VPS37A: variants seen among roughly 807,000 people sequenced by gnomAD.
The protein encoded by VPS37A is VPS37A subunit of ESCRT-I.
In VPS37A, 30 loss-of-function variants were observed where a neutral mutation model predicts 49.8. The ratio of observed to expected loss-of-function variants is 0.60; its 90% CI spans 0.45 to 0.82. The LOEUF (loss-of-function observed/expected upper bound fraction) is 0.82, where lower values mean the gene tolerates loss of function less well. Ranked by LOEUF, VPS37A falls within the 40% of genes least tolerant of loss-of-function variation. VPS37A has a pLI of 0.00. For missense variants in VPS37A, 593 were observed against 464.4 expected (o/e 1.28, Z -2.55); for synonymous variants, 195 against 160.6 (o/e 1.21, Z -1.62).
Position 17,247,300 on chromosome 8 carries a change from C to A in VPS37A, c.56C>A (p.Pro19His). 6.4e-7 allele frequency: 1 copy of A among 1,564,142 alleles called. No homozygotes were observed. The highest frequency in any genetic ancestry group is 8.7e-7 in the Non-Finnish European group (1 of 1,154,454). The change falls in exon 1 of 12, where the codon CCC becomes CAC. Residue 19 changes from proline (P) to histidine (H), a missense_variant. Coordinates refer to ENST00000324849, the MANE Select transcript of VPS37A (RefSeq NM_152415.3). ...GCCTCCTCCTCCGCGGCTGGGTCCC[C>A]CGGTGGCCTCACCAGCCTCCAGCAG... Reference protein sequence around the residue: ...KSASSSAAGSPGGLTSLQQQK... With the variant: ...KSASSSAAGSHGGLTSLQQQK...
chr8:17,292,880 C>A (rs1032996479), intron 11 of VPS37A, among the ~76,000 whole-genome samples: 1 of 152,168 alleles, frequency 6.6e-6, no homozygotes, highest in South Asian at 2.1e-4. Context: ...CTCTGGCTGC[C>A]CTTAACATTT....
intron 11 of VPS37A, among the ~76,000 whole-genome samples, chr8:17,290,207 T>C (rs1047145644): frequency 6.6e-6 from 1 of 152,210 alleles, no homozygotes; most frequent in African/African-American, 2.4e-5. Context: ...TCTTGCCTCA[T>C]TGCACTGGCC....
downstream of VPS37A, among the ~76,000 whole-genome samples, chr8:17,307,018 C>G (rs1190082980): frequency 1.3e-5 from 2 of 152,120 alleles, no homozygotes; most frequent in Non-Finnish European, 2.9e-5. Context: ...GCAATGGCAG[C>G]AAAAGACAAA....
intron 2 of VPS37A, among the ~76,000 whole-genome samples, chr8:17,267,603 A>G (rs981882781): frequency 2.0e-5 from 3 of 152,220 alleles, no homozygotes; most frequent in East Asian, 1.9e-4. Context: ...TGACAGCTAC[A>G]TTGTTTCAAT....
chr8:17,256,461 G>T (rs768818025), intron 1 of VPS37A, among the ~76,000 whole-genome samples: 1 of 151,368 alleles, frequency 6.6e-6, no homozygotes, highest in Non-Finnish European at 1.5e-5. Context: ...TGTTTGTTGA[G>T]ATCTTTTGCC....
At chr8:17,259,408 A>G (rs1350784466) in intron 1 of VPS37A, among the ~76,000 whole-genome samples, 1 of 151,920 alleles carries the variant, frequency 6.6e-6, no homozygotes. Flanking sequence ...ATTGTTTTCT[A>G]GTTTTATTGC....
the VPS37A span, among the ~76,000 whole-genome samples, chr8:17,328,517 G>C: frequency 6.6e-6 from 1 of 151,902 alleles, no homozygotes; most frequent in African/African-American, 2.4e-5. Context: ...GCTGAACAAT[G>C]AGAACACATG....
chr8:17,293,161 T>C (rs1376523994), intron 11 of VPS37A, among the ~76,000 whole-genome samples: 1 of 152,016 alleles, frequency 6.6e-6, no homozygotes, highest in African/African-American at 2.4e-5. Flanking sequence ...TTTTATTCTT[T>C]TTTCTCTAAT....
downstream of VPS37A, among the ~76,000 whole-genome samples, chr8:17,305,229 T>G (rs892074082): frequency 2.4e-4 from 37 of 152,238 alleles, no homozygotes; most frequent in Non-Finnish European, 7.3e-5. Context: ...ACCATTTCAT[T>G]TTATGAAAAT....
intron 11 of VPS37A, among the ~76,000 whole-genome samples, chr8:17,293,952 G>A (rs1816375864): frequency 6.6e-6 from 1 of 152,244 alleles, no homozygotes; most frequent in African/African-American, 2.4e-5. Flanking sequence ...TGAGGAGGCA[G>A]TCTGTCTCTT....
the VPS37A span, among the ~76,000 whole-genome samples, chr8:17,310,299 C>G: frequency 6.6e-6 from 1 of 152,100 alleles, no homozygotes; most frequent in African/African-American, 2.4e-5. Context: ...CCACACCCAG[C>G]CTGGATTTTA....
chr8:17,285,047 GAA>G (rs796755144), intron 10 of VPS37A, among the ~76,000 whole-genome samples: 5,000 of 149,570 alleles, frequency 0.033, 296 homozygotes, highest in African/African-American at 0.11. Context: ...TGCTGATCTG[GAA>G]AAAAAAAAAT....
At chr8:17,283,814 C>G (rs1354111532) in intron 9 of VPS37A, among the ~76,000 whole-genome samples, 1 of 152,094 alleles carries the variant, frequency 6.6e-6, no homozygotes, top group Non-Finnish European at 1.5e-5. Context: ...TTTGGGGTCT[C>G]TTGAGATTCC....
chr8:17,266,932 C>T (rs969279162), intron 2 of VPS37A, among the ~76,000 whole-genome samples: 11 of 151,974 alleles, frequency 7.2e-5, no homozygotes, highest in African/African-American at 2.7e-4. Context: ...CCCACCATGC[C>T]CGGCTAATTT....
At chr8:17,325,692 C>G in the VPS37A span, among the ~76,000 whole-genome samples, 3 of 152,188 alleles carry the variant, frequency 2.0e-5, no homozygotes, top group Admixed American at 2.0e-4. Context: ...ACCCAAAGGC[C>G]TATGTCTTGT....
chr8:17,247,457 T>G, intron 1 of VPS37A, 88 bp downstream of exon 1: 1 of 1,487,048 alleles, frequency 6.7e-7, no homozygotes, highest in Non-Finnish European at 9.0e-7. Flanking sequence ...CTCAGTCTGC[T>G]CCCCACCAGC....
At chr8:17,298,216 A>T (rs1488790310), downstream of VPS37A, 2 of 152,062 alleles carry the variant, frequency 1.3e-5, no homozygotes, top group Non-Finnish European at 2.9e-5. Flanking sequence ...CCTAAGTTTT[A>T]TTTTAGCAAG....
chr8:17,322,307 G>A, the VPS37A span, among the ~76,000 whole-genome samples: 2 of 152,206 alleles, frequency 1.3e-5, no homozygotes, highest in African/African-American at 4.8e-5. Flanking sequence ...GGCTACACAA[G>A]CTCATCACCA....
At position 17,274,956 on chromosome 8, in the gene VPS37A, C is replaced by T. The variant is rs1489605159; in HGVS notation, c.640C>T (p.Pro214Ser). The change falls in exon 5 of 12, where the codon CCG becomes TCG. Residue 214 changes from proline to serine, a missense_variant and splice_region_variant. Pro to Ser is a moderately conservative substitution (Grantham distance 74, BLOSUM62 -1). Transcript: ENST00000324849. Reference protein sequence around the residue: ...LPIPTVDASIPTSQNGFGYKM... With the variant: ...LPIPTVDASISTSQNGFGYKM... ...CATTCCCACAGTGGATGCTTCAATA[C>T]CGGTTGGTATCGTCAGTTATCTATA... 4 of 1,613,618 alleles carry T rather than the reference C, an allele frequency of 2.5e-6. No homozygotes were observed. Among genetic ancestry groups the T allele is most frequent in the Non-Finnish European group, 3.4e-6 (4 of 1,179,550 alleles).
Sources: allele counts gnomAD v4.1 joint callset (sites outside exome capture counted in the v4.1 genomes callset), GRCh38; gene constraint gnomAD v4.1.1; transcripts MANE v1.5; gene names NCBI Gene and HGNC (gene_info 2026-07-23, HGNC 2026-07-21).